RUBCN: variants seen among roughly 807,000 people sequenced by gnomAD.
The protein encoded by RUBCN is rubicon autophagy regulator, also known as run domain Beclin-1-interacting and cysteine-rich domain-containing protein.
A neutral mutation model predicts 113.2 loss-of-function variants in RUBCN; 74 were observed. The ratio of observed to expected loss-of-function variants is 0.65; its 90% CI spans 0.54 to 0.79. The LOEUF (loss-of-function observed/expected upper bound fraction) is 0.79. RUBCN is among the 30% of genes least tolerant of loss of function. RUBCN has a pLI of 0.00. For missense variants in RUBCN, 1,109 were observed against 1,251.7 expected (o/e 0.89, Z 1.72); for synonymous variants, 480 against 490.0 (o/e 0.98, Z 0.27).
Position 197,669,385 on chromosome 3 carries a change from C to G in RUBCN, c.*5633G>C, listed in dbSNP as rs939972663. Among the ~76,000 whole-genome samples, 1 of 152,152 alleles carries G rather than the reference C, an allele frequency of 6.6e-6. No homozygotes were observed. Among genetic ancestry groups the G allele is most frequent in the Non-Finnish European group, 1.5e-5 (1 of 68,034 alleles). On this transcript the variant is annotated 3_prime_UTR_variant, in exon 20 of 20. Transcript: ENST00000296343. ...GTGACGGCATCTCTTTCCTTGTTTTCGAGACCTTGGCAATTTTGAGTAGGG... is the reference window on the plus strand; with the variant it reads ...GTGACGGCATCTCTTTCCTTGTTTTGGAGACCTTGGCAATTTTGAGTAGGG...
At chr3:197,694,335 G>A (rs779180017) in intron 10 of RUBCN, 40 bp downstream of exon 10, 9 of 1,586,814 alleles carry the variant, frequency 5.7e-6, no homozygotes, top group Non-Finnish European at 7.8e-6. Context: ...GCTGAAGTTG[G>A]GAAAATGTGG....
At chr3:197,691,463 G>A (rs1019891180) in intron 11 of RUBCN, among the ~76,000 whole-genome samples, 6 of 152,028 alleles carry the variant, frequency 3.9e-5, no homozygotes, top group Non-Finnish European at 7.4e-5. Flanking sequence ...GTAGGTAGAG[G>A]CTAGGAATGA....
chr3:197,694,265 T>C (rs764911200), intron 10 of RUBCN, 110 bp downstream of exon 10: 5 of 940,340 alleles, frequency 5.3e-6, no homozygotes, highest in Admixed American at 5.1e-5. Flanking sequence ...AGAAAAAAAG[T>C]AGGACTACAT....
chr3:197,691,024 A>G (rs1453128446), intron 11 of RUBCN: 6 of 1,017,008 alleles, frequency 5.9e-6, no homozygotes, highest in Non-Finnish European at 8.1e-6. Context: ...CTGGTGCAAC[A>G]TTCTCACACA....
At chr3:197,699,285 C>A in intron 7 of RUBCN, 5 of 1,306,702 alleles carry the variant, frequency 3.8e-6, no homozygotes, top group Admixed American at 4.1e-5. Flanking sequence ...AATGAGAATA[C>A]AGAGAGAGAA....
At chr3:197,702,598 G>A (rs990463881) in intron 5 of RUBCN, among the ~76,000 whole-genome samples, 2 of 152,172 alleles carry the variant, frequency 1.3e-5, no homozygotes, top group Admixed American at 1.3e-4. Flanking sequence ...GGGAGGCGGA[G>A]GCTGCAGTGA....
chr3:197,689,142 C>G (rs904172656), intron 11 of RUBCN, among the ~76,000 whole-genome samples: 3 of 152,008 alleles, frequency 2.0e-5, no homozygotes, highest in Middle Eastern at 3.4e-3. Context: ...CCTCCCACCT[C>G]AGCCTCCAGA....
chr3:197,695,723 C>A, intron 9 of RUBCN, 143 bp downstream of exon 9: 1 of 761,910 alleles, frequency 1.3e-6, no homozygotes. Flanking sequence ...TCCTCAGAAA[C>A]AGAACTTGCT....
In RUBCN at chr3:197,686,485, C is replaced by A. The variant is rs371109165; in HGVS notation, c.1787-2268G>T. ...CACACTCGTCAAAGGGGCCATGACC[C>A]CTGACCCCGGCCAAGGACCACGCAG... On this transcript the variant is annotated intron_variant, in intron 11 of 19. Coordinates refer to ENST00000296343, the MANE Select transcript of RUBCN (RefSeq NM_014687.4). Among the ~76,000 whole-genome samples the A allele has an allele frequency of 7.9e-5, 12 of 152,300 alleles. No individual in the cohort carries two copies. In the South Asian group the frequency reaches 1.4e-3, roughly 18 times the overall value.
intron 7 of RUBCN, chr3:197,699,153 G>C: frequency 6.7e-7 from 1 of 1,490,482 alleles, no homozygotes; most frequent in Non-Finnish European, 9.2e-7. Flanking sequence ...TCACAAAACA[G>C]AACAAAGAGG....
At chr3:197,689,543 C>A (rs1185922784) in intron 11 of RUBCN, among the ~76,000 whole-genome samples, 1 of 152,132 alleles carries the variant, frequency 6.6e-6, no homozygotes, top group Non-Finnish European at 1.5e-5. Flanking sequence ...TGGGACTAAA[C>A]ACACCGGAAA....
chr3:197,681,458 A>G lies in RUBCN; in HGVS notation c.2192-91T>C, dbSNP rs1213853396. The G allele has an allele frequency of 1.0e-6, 1 of 983,846 alleles. No homozygotes were observed. The highest frequency in any genetic ancestry group is 1.8e-5 in the Admixed American group (1 of 54,212). 60.9% of individuals were successfully genotyped at this position (983,846 alleles called of 1,614,324 possible). The stretch of plus-strand genomic sequence containing the variant: ...CTGCTTTTCCCTTGAAAGGGCAGAG[A>G]GGGACAGCCAATGGCCTCCAGCAAC... On this transcript the variant is annotated intron_variant, in intron 15 of 19. Coordinates refer to ENST00000296343, the MANE Select transcript of RUBCN (RefSeq NM_014687.4). This position sits in a 1 kb window ranked among gnomAD's most constrained non-coding sequence, Gnocchi z 5.5.
intron 2 of RUBCN, 77 bp from the exon 3 acceptor site, chr3:197,705,252 A>G: frequency 1.5e-6 from 2 of 1,340,032 alleles, no homozygotes; most frequent in Non-Finnish European, 1.1e-6. Flanking sequence ...GCATTCAAAG[A>G]TAGGAAAAGG....
chr3:197,704,782 A>G (rs1370767855), intron 3 of RUBCN, 81 bp from the exon 4 acceptor site: 5 of 1,394,566 alleles, frequency 3.6e-6, no homozygotes, highest in Middle Eastern at 2.4e-4. Flanking sequence ...TGAGAACTAA[A>G]TTGAGACAGG....
At position 197,718,083 on chromosome 3, in the gene RUBCN, C is replaced by A; in HGVS notation, c.113G>T (p.Gly38Val). ...GTTGGGGCTGTTGGTTGATACCAAA[C>A]CCTCCACCGTCGTCTTCAAATTACC... ...LLGNLKTTVE[G>V]LVSTNSPNVW... Residue 38 changes from glycine to valine, a missense_variant, in exon 2 of 20, where the codon GGT becomes GTT. Transcript: ENST00000296343. The A allele has an allele frequency of 6.2e-7, 1 of 1,614,194 alleles. No individual in the cohort carries two copies. The highest frequency in any genetic ancestry group is 8.5e-7 in the Non-Finnish European group (1 of 1,180,014).
In RUBCN at chr3:197,683,481, G is replaced by A; in HGVS notation, c.1848-42C>T. On this transcript the variant is annotated intron_variant, in intron 12 of 19. Transcript: ENST00000296343. This position sits in a 1 kb window ranked among gnomAD's most constrained non-coding sequence, Gnocchi z 4.6. Reference sequence around the variant, plus strand: ...CAAGGACGGCTGAACACAGGGAAAGGATGGGCGATGCGAGGCTTCCCTTCA... The same window carrying A: ...CAAGGACGGCTGAACACAGGGAAAGAATGGGCGATGCGAGGCTTCCCTTCA... 6.2e-7 allele frequency: 1 copy of A among 1,611,424 alleles called. No individual in the cohort carries two copies. Among genetic ancestry groups the A allele is most frequent in the Non-Finnish European group, 8.5e-7 (1 of 1,178,998 alleles).
chr3:197,703,343 A>G (rs1399937601), intron 5 of RUBCN, among the ~76,000 whole-genome samples: 5 of 132,710 alleles, frequency 3.8e-5, no homozygotes, highest in African/African-American at 1.4e-4. Flanking sequence ...GGTTGCAGTG[A>G]GCTGAGATTG....
intron 1 of RUBCN, among the ~76,000 whole-genome samples, chr3:197,732,852 C>A (rs1727677259): frequency 6.6e-6 from 1 of 152,166 alleles, no homozygotes; most frequent in South Asian, 2.1e-4. Flanking sequence ...ACAAGTGATA[C>A]CCTTGCAAAC....
At chr3:197,740,654 T>C (rs1163602612), upstream of RUBCN, among the ~76,000 whole-genome samples, 1 of 151,892 alleles carries the variant, frequency 6.6e-6, no homozygotes, top group African/African-American at 2.4e-5. Context: ...AGAGTCTTGC[T>C]GTGTTGCCCA....
Sources: allele counts gnomAD v4.1 joint callset (sites outside exome capture counted in the v4.1 genomes callset), GRCh38; gene constraint gnomAD v4.1.1; non-coding constraint Gnocchi (gnomAD v3.1); transcripts MANE v1.5; gene names NCBI Gene and HGNC (gene_info 2026-07-23, HGNC 2026-07-21).